Variants in ACVR1 observed in about 807,000 individuals in gnomAD.
The protein encoded by ACVR1 is activin receptor type-1.
Under a neutral mutation model 57.1 loss-of-function variants are expected in ACVR1, and 38 were observed. The observed-to-expected ratio is 0.67, with a 90% confidence interval of 0.51 to 0.87. The LOEUF (loss-of-function observed/expected upper bound fraction) is 0.87. Ranked by LOEUF, ACVR1 falls within the 40% of genes least tolerant of loss-of-function variation. ACVR1 has a pLI of 0.00. For synonymous variants in ACVR1, 212 were observed against 228.1 expected, an observed-to-expected ratio of 0.93 and a Z score of 0.63; for missense variants, 463 against 638.2, an observed-to-expected ratio of 0.73 and a Z score of 2.96.
intron 1 of ACVR1, among the ~76,000 whole-genome samples, chr2:157,825,811 T>C (rs1036908704): frequency 1.3e-5 from 2 of 152,180 alleles, no homozygotes; most frequent in African/African-American, 2.4e-5. Context: ...TCAGAGCATC[T>C]TGAGTGAAGA....
chr2:157,858,592 C>T (rs1351035129), intron 1 of ACVR1, among the ~76,000 whole-genome samples: 3 of 152,196 alleles, frequency 2.0e-5, no homozygotes, highest in Non-Finnish European at 4.4e-5. Context: ...CTGCCTCGGC[C>T]TCCCAACTAG....
intron 1 of ACVR1, among the ~76,000 whole-genome samples, chr2:157,819,123 G>C (rs953957659): frequency 1.4e-5 from 2 of 143,268 alleles, no homozygotes; most frequent in South Asian, 4.5e-4. Flanking sequence ...TCTGCAGTCA[G>C]CACATTTCAA....
chr2:157,741,029 T>C (rs1428462861), intron 9 of ACVR1, among the ~76,000 whole-genome samples: 4 of 152,360 alleles, frequency 2.6e-5, no homozygotes, highest in South Asian at 2.1e-4. Context: ...CAGTTGAAAG[T>C]GCATTACTGC....
intron 3 of ACVR1, among the ~76,000 whole-genome samples, chr2:157,795,999 G>A (rs528817086): frequency 7.0e-4 from 107 of 152,136 alleles, no homozygotes; most frequent in Admixed American, 1.6e-3. Flanking sequence ...AGAGGTGGGC[G>A]GACTGCTTGA....
At chr2:157,787,870 T>C (rs1381185422) in intron 3 of ACVR1, among the ~76,000 whole-genome samples, 1 of 152,152 alleles carries the variant, frequency 6.6e-6, no homozygotes, top group East Asian at 1.9e-4. Flanking sequence ...AGCTCTCCAC[T>C]TCAATTTCTC....
chr2:157,873,445 C>A (rs965942452), intron 1 of ACVR1, among the ~76,000 whole-genome samples: 2 of 152,204 alleles, frequency 1.3e-5, no homozygotes, highest in African/African-American at 2.4e-5. Flanking sequence ...AAGAGTTTTG[C>A]CACCATCAGT....
chr2:157,784,068 T>C (rs560721347), intron 3 of ACVR1, among the ~76,000 whole-genome samples: 2 of 152,346 alleles, frequency 1.3e-5, no homozygotes, highest in South Asian at 4.1e-4. Flanking sequence ...CATTCTCGGA[T>C]CTTAATATCC....
chr2:157,737,780 A>G, intron 10 of ACVR1, 115 bp from the exon 11 acceptor site: 1 of 1,364,250 alleles, frequency 7.3e-7, no homozygotes, highest in South Asian at 1.2e-5. Context: ...GTGAAATTAG[A>G]GTTATGTTAC....
chr2:157,737,390 G>T lies in ACVR1; in HGVS notation c.*141C>A. The T allele has an allele frequency of 1.8e-6, 2 of 1,108,830 alleles. No individual in the cohort carries two copies. Among genetic ancestry groups the T allele is most frequent in the Non-Finnish European group, 2.6e-6 (2 of 756,994 alleles). The allele number at this position is 1,108,830 out of a possible 1,614,324, so 68.7% of individuals were successfully genotyped here. On this transcript the variant is annotated 3_prime_UTR_variant, in exon 11 of 11. Coordinates refer to ENST00000434821, the MANE Select transcript of ACVR1 (RefSeq NM_001111067.4). ...TGATGTCTCCCCAACACATGGCTGG[G>T]TACGACGTCTGCCTTGTCAAAGCAG...
At chr2:157,819,500 A>G in intron 1 of ACVR1, 1 of 147,482 alleles carries the variant, frequency 6.8e-6, no homozygotes, top group Middle Eastern at 3.5e-3. Context: ...CTGTCTCAAA[A>G]AAAAAAAAAA....
At chr2:157,858,034 A>C (rs1689594226) in intron 1 of ACVR1, among the ~76,000 whole-genome samples, 1 of 152,048 alleles carries the variant, frequency 6.6e-6, no homozygotes, top group Non-Finnish European at 1.5e-5. Flanking sequence ...TCGTCAGTAA[A>C]AACTTAAAAA....
At chr2:157,836,297 T>C (rs905688272) in intron 1 of ACVR1, among the ~76,000 whole-genome samples, 7 of 152,218 alleles carry the variant, frequency 4.6e-5, no homozygotes, top group East Asian at 1.9e-4. Context: ...TTGCCATCTT[T>C]AGTGATGAGA....
intron 1 of ACVR1, among the ~76,000 whole-genome samples, chr2:157,824,561 A>G (rs1207589012): frequency 6.6e-6 from 1 of 152,198 alleles, no homozygotes; most frequent in Non-Finnish European, 1.5e-5. Context: ...TAATAGCCCA[A>G]TACTCATTCT....
At chr2:157,774,265 T>C (rs1049986143) in intron 5 of ACVR1, 78 bp from the exon 6 acceptor site, 3 of 1,163,866 alleles carry the variant, frequency 2.6e-6, no homozygotes, top group Non-Finnish European at 3.9e-6. Flanking sequence ...TGCATGACAT[T>C]GTAACTCACA....
At chr2:157,762,747 G>C (rs1200747091) in intron 8 of ACVR1, among the ~76,000 whole-genome samples, 2 of 152,092 alleles carry the variant, frequency 1.3e-5, no homozygotes, top group Admixed American at 6.5e-5. Context: ...AATTATAAAA[G>C]GCTTCCTGTT....
chr2:157,858,431 T>C (rs1472195729), intron 1 of ACVR1, among the ~76,000 whole-genome samples: 2 of 152,076 alleles, frequency 1.3e-5, no homozygotes, highest in Non-Finnish European at 2.9e-5. Flanking sequence ...TATCTAGCCC[T>C]TTCCTCTCTA....
At chr2:157,794,672 G>A (rs1333688915) in intron 3 of ACVR1, among the ~76,000 whole-genome samples, 1 of 152,088 alleles carries the variant, frequency 6.6e-6, no homozygotes, top group African/African-American at 2.4e-5. Flanking sequence ...TCTTATGAGG[G>A]CACTTGTGAG....
intron 3 of ACVR1, among the ~76,000 whole-genome samples, chr2:157,795,795 C>G (rs895774443): frequency 6.6e-6 from 1 of 151,956 alleles, no homozygotes; most frequent in Non-Finnish European, 1.5e-5. Context: ...GCCCTTTTTC[C>G]GCCCCACTCT....
At chr2:157,791,466 C>T (rs1423752030) in intron 3 of ACVR1, among the ~76,000 whole-genome samples, 1 of 152,158 alleles carries the variant, frequency 6.6e-6, no homozygotes, top group Non-Finnish European at 1.5e-5. Context: ...CAACTGCACA[C>T]CAGGTAATGT....
Sources: allele counts gnomAD v4.1 joint callset (sites outside exome capture counted in the v4.1 genomes callset), GRCh38; gene constraint gnomAD v4.1.1; transcripts MANE v1.5; gene names NCBI Gene and HGNC (gene_info 2026-07-23, HGNC 2026-07-21).